PHF20: variants seen among roughly 807,000 people sequenced by gnomAD.
The protein encoded by PHF20 is PHD finger protein 20, also known as glioma-expressed antigen 2.
A neutral mutation model predicts 113.5 loss-of-function variants in PHF20; 23 were observed. The ratio of observed to expected loss-of-function variants is 0.20; its 90% confidence interval spans 0.15 to 0.29. The LOEUF (loss-of-function observed/expected upper bound fraction) is 0.29. PHF20 is among the 10% of genes least tolerant of loss of function. The pLI, the probability that PHF20 is intolerant of heterozygous loss-of-function variation, is 1.00. For synonymous variants in PHF20, 434 were observed against 457.3 expected, an observed-to-expected ratio of 0.95 and a Z score of 0.65; for missense variants, 943 against 1,219.6, an observed-to-expected ratio of 0.77 and a Z score of 3.38.
intron 15 of PHF20, 133 bp downstream of exon 15, chr20:35,931,577 T>A (rs2055754222): frequency 3.3e-6 from 2 of 610,262 alleles, no homozygotes; most frequent in African/African-American, 1.8e-5. Flanking sequence ...CTAAAAATTA[T>A]CAGTTTCAGG....
chr20:35,897,232 G>A, intron 9 of PHF20, among the ~76,000 whole-genome samples: 1 of 151,952 alleles, frequency 6.6e-6, no homozygotes, highest in East Asian at 1.9e-4. Flanking sequence ...TAGAGATGGG[G>A]TCTTGCTGAG....
intron 2 of PHF20, among the ~76,000 whole-genome samples, chr20:35,833,432 C>G (rs963169466): frequency 2.6e-5 from 4 of 152,114 alleles, no homozygotes; most frequent in African/African-American, 9.7e-5. Flanking sequence ...GCATATATCC[C>G]CTCCAAATTA....
chr20:35,813,622 G>A (rs1365462662), intron 2 of PHF20, among the ~76,000 whole-genome samples: 1 of 152,126 alleles, frequency 6.6e-6, no homozygotes, highest in Non-Finnish European at 1.5e-5. Context: ...CACTTTGGGA[G>A]GCCTAGGCAG....
At chr20:35,853,382 A>G (rs956412034) in intron 4 of PHF20, 3 of 152,186 alleles carry the variant, frequency 2.0e-5, no homozygotes, top group African/African-American at 7.2e-5. Context: ...ACATGTTTGA[A>G]AACCCTCCGT....
rs114805312 is a variant in PHF20, at chr20:35,840,980, T to C, written c.84-1593T>C. ...AACCTTTGTTGTTTCTTGGGCATCC[T>C]TCCAGATACTTTATGCATATATAAG... is the stretch of plus-strand genomic sequence containing the variant. On this transcript the variant is annotated intron_variant, in intron 2 of 17. Coordinates refer to ENST00000374012, the MANE Select transcript of PHF20 (RefSeq NM_016436.5). Among the ~76,000 whole-genome samples, 1,351 of 152,324 alleles carry C rather than the reference T, an allele frequency of 8.9e-3. 23 individuals are homozygous for C. The highest frequency in any genetic ancestry group is 0.031 in the African/African-American group (1,294 of 41,574).
At chr20:35,897,615 C>T (rs560418092) in intron 9 of PHF20, among the ~76,000 whole-genome samples, 2 of 131,616 alleles carry the variant, frequency 1.5e-5, no homozygotes, top group African/African-American at 5.9e-5. Flanking sequence ...CGCCCAGGCT[C>T]GAGTGCAGAG....
At chr20:35,884,173 G>A (rs981887028) in intron 9 of PHF20, among the ~76,000 whole-genome samples, 3 of 152,186 alleles carry the variant, frequency 2.0e-5, no homozygotes, top group Admixed American at 6.5e-5. Context: ...GTAAGTAAGC[G>A]GAAATAGGGC....
intron 1 of PHF20, among the ~76,000 whole-genome samples, chr20:35,779,854 T>C (rs552782449): frequency 3.8e-4 from 58 of 152,216 alleles, no homozygotes; most frequent in African/African-American, 1.2e-3. Context: ...TGCACAGGTG[T>C]TGGGATTTCG....
At chr20:35,920,540 C>T (rs1422188508) in intron 13 of PHF20, among the ~76,000 whole-genome samples, 14 of 152,184 alleles carry the variant, frequency 9.2e-5, no homozygotes, top group Admixed American at 9.2e-4. Context: ...TGTTGTAGAA[C>T]CATTAAATAA....
At chr20:35,797,048 A>G (rs896695820) in intron 1 of PHF20, among the ~76,000 whole-genome samples, 1 of 151,990 alleles carries the variant, frequency 6.6e-6, no homozygotes, top group Non-Finnish European at 1.5e-5. Context: ...ATGACATTTC[A>G]CCAAGTTGCC....
At chr20:35,825,754 A>G (rs996305206) in intron 2 of PHF20, among the ~76,000 whole-genome samples, 1 of 152,126 alleles carries the variant, frequency 6.6e-6, no homozygotes, top group Admixed American at 6.5e-5. Flanking sequence ...CTTTGGCTCA[A>G]GCAGCTCTCT....
chr20:35,836,031 TG>T (rs79514856), intron 2 of PHF20, among the ~76,000 whole-genome samples: 9,197 of 152,268 alleles, frequency 0.06, 380 homozygotes, highest in African/African-American at 0.13. Context: ...GTTTTTTAGA[TG>T]GGGGTCTCAC....
At chr20:35,923,122 A>G (rs1051059764) in intron 13 of PHF20, among the ~76,000 whole-genome samples, 1 of 152,212 alleles carries the variant, frequency 6.6e-6, no homozygotes, top group Non-Finnish European at 1.5e-5. Context: ...CTCAAAAAAC[A>G]AACAAACAAA....
rs1309161447 is a variant in PHF20, at chr20:35,801,587, G to A, written c.65G>A (p.Arg22Gln). The change falls in exon 2 of 18, where the codon CGG becomes CAG. Residue 22 changes from arginine (R) to glutamine (Q), a missense_variant. Transcript: ENST00000374012. Reference protein sequence around the residue: ...SFEVGAQLEARDRLKNWYPAH... With the variant: ...SFEVGAQLEAQDRLKNWYPAH... The stretch of plus-strand genomic sequence containing the variant: ...GAAGTGGGAGCCCAGTTGGAAGCCC[G>A]GGACCGTTTAAAAAACTGGTACTTT... 5 of 1,612,126 alleles carry A rather than the reference G, an allele frequency of 3.1e-6. No homozygotes were observed. Among genetic ancestry groups the A allele is most frequent in the Non-Finnish European group, 2.5e-6 (3 of 1,178,444 alleles).
At chr20:35,800,439 A>G (rs1297953819) in intron 1 of PHF20, among the ~76,000 whole-genome samples, 1 of 152,112 alleles carries the variant, frequency 6.6e-6, no homozygotes, top group East Asian at 1.9e-4. Context: ...CAAACCAACA[A>G]ACAAAAAAAG....
At chr20:35,847,625 A>G (rs546480866) in intron 4 of PHF20, among the ~76,000 whole-genome samples, 191 bp downstream of exon 4, 2 of 152,324 alleles carry the variant, frequency 1.3e-5, no homozygotes, top group African/African-American at 4.8e-5. Flanking sequence ...CAAAAAAGAT[A>G]GTTTGACTTT....
chr20:35,822,846 TAAAAAAAAA>T (rs780275666), intron 2 of PHF20, among the ~76,000 whole-genome samples: 23 of 55,562 alleles, frequency 4.1e-4, no homozygotes, highest in African/African-American at 1.6e-3. Context: ...ACCCTGCTTC[TAAAAAAAAA>T]AAAAAAAAAA....
chr20:35,806,601 C>A (rs2041885329), intron 2 of PHF20, among the ~76,000 whole-genome samples: 1 of 152,118 alleles, frequency 6.6e-6, no homozygotes, highest in Admixed American at 6.6e-5. Context: ...TATTGACCTG[C>A]AATACCACTT....
chr20:35,947,194 G>C (rs1189595209), intron 17 of PHF20, among the ~76,000 whole-genome samples: 2 of 152,210 alleles, frequency 1.3e-5, no homozygotes, highest in African/African-American at 4.8e-5. Context: ...TAAGGCTAGT[G>C]GCTACTGTAT....
Sources: gnomAD v4.1 joint callset for allele counts (sites outside exome capture counted in the v4.1 genomes callset) on GRCh38, gnomAD v4.1.1 for gene constraint, MANE v1.5 for transcripts, NCBI Gene and HGNC (gene_info 2026-07-23, HGNC 2026-07-21) for gene names.